The following TDRD10 variants were observed in gnomAD, a reference collection of about 807,000 sequenced individuals.
TDRD10 encodes the protein tudor domain containing 10.
Under a neutral mutation model 48.0 loss-of-function variants are expected in TDRD10, and 40 were observed. That is an observed-to-expected ratio of 0.83 (90% CI 0.65 to 1.09). TDRD10 has a LOEUF of 1.09. TDRD10 is among the 50% of genes least tolerant of loss of function. TDRD10 has a pLI of 0.00. For missense variants in TDRD10, 378 were observed against 434.7 expected (o/e 0.87, Z 1.16); for synonymous variants, 162 against 170.4 (o/e 0.95, Z 0.38).
rs201832003 is a variant in TDRD10 at position 154,544,032 on chromosome 1, C to T, written c.573C>T (p.Ser191=). 82 of 1,614,084 alleles carry T rather than the reference C, an allele frequency of 5.1e-5. No homozygotes were observed. The highest frequency in any genetic ancestry group is 6.1e-5 in the Non-Finnish European group (72 of 1,180,048). ...TGAGCTGGCTGGCACTCATCCATAG[C>T]GTCCGTGGGGAGGCGGGGCTGCTGG... ...RDLSWLALIH[S]VRGEAGLLVT... Residue 191 remains serine (S), a synonymous_variant, in exon 9 of 13, where the codon AGC becomes AGT. Transcript: ENST00000368482.
chr1:154,547,562 G>C, intron 12 of TDRD10, 83 bp downstream of exon 12: 2 of 1,614,204 alleles, frequency 1.2e-6, no homozygotes, highest in Non-Finnish European at 1.7e-6. Flanking sequence ...GCCTAGGCCT[G>C]GACACAGTAT....
chr1:154,532,642 T>C (rs1272021782), intron 6 of TDRD10, among the ~76,000 whole-genome samples: 1 of 152,156 alleles, frequency 6.6e-6, no homozygotes, highest in African/African-American at 2.4e-5. Flanking sequence ...CCTCTCATTT[T>C]TTTCATTCCA....
At chr1:154,546,022 C>T (rs1408649691) in intron 11 of TDRD10, among the ~76,000 whole-genome samples, 3 of 148,612 alleles carry the variant, frequency 2.0e-5, no homozygotes, top group Non-Finnish European at 4.4e-5. Context: ...ATCCGCCCAC[C>T]TCGGCCTCCC....
At chr1:154,504,215 A>C (rs538791350) in intron 1 of TDRD10, among the ~76,000 whole-genome samples, 1 of 152,202 alleles carries the variant, frequency 6.6e-6, no homozygotes, top group Non-Finnish European at 1.5e-5. Flanking sequence ...CATTCGTTTT[A>C]TATTGCCAAA....
chr1:154,514,506 G>T (rs1188443026), intron 4 of TDRD10, among the ~76,000 whole-genome samples: 1 of 152,058 alleles, frequency 6.6e-6, no homozygotes, highest in Non-Finnish European at 1.5e-5. Flanking sequence ...GAAGCATGGT[G>T]ATGGGCTTGT....
rs1695314023 is a variant in TDRD10 at position 154,542,743 on chromosome 1, T to C, written c.425T>C (p.Leu142Pro). ...GFGKTAAIIQ[L>P]APKAPVDLCE... Reference sequence around the variant, plus strand: ...TTCTGCTTTCTAGCTATTATACAGCTCGCTCCTAAAGCTCCTGTTGACCTG... The same window carrying C: ...TTCTGCTTTCTAGCTATTATACAGCCCGCTCCTAAAGCTCCTGTTGACCTG... The change falls in exon 8 of 13, where the codon CTC becomes CCC. Residue 142 changes from leucine (L) to proline (P), a missense_variant. Leu to Pro is a moderately conservative substitution (Grantham distance 98, BLOSUM62 -3). Coordinates refer to ENST00000368482, the MANE Select transcript of TDRD10 (RefSeq NM_182499.4). 2.0e-5 allele frequency: 32 copies of C among 1,613,704 alleles called. No homozygotes were observed. The highest frequency in any genetic ancestry group is 2.6e-5 in the Non-Finnish European group (31 of 1,179,748).
chr1:154,543,222 C>T (rs1184578889), intron 8 of TDRD10, among the ~76,000 whole-genome samples: 1 of 152,114 alleles, frequency 6.6e-6, no homozygotes, highest in Non-Finnish European at 1.5e-5. Context: ...TTGCAGTGAG[C>T]CGAGATTGTG....
At position 154,502,867 on chromosome 1, in the gene TDRD10, G is replaced by A. The variant is rs1481215291; in HGVS notation, c.-190G>A. ...TTCCGTTACTCTTCGGTGGCACACG[G>A]TCCTGGGCAGCGCGAGGCTCTTCCC... is the stretch of plus-strand genomic sequence containing the variant. On this transcript the variant is annotated 5_prime_UTR_variant, in exon 1 of 13. Coordinates refer to ENST00000368482, the MANE Select transcript of TDRD10 (RefSeq NM_182499.4). 1 of 152,264 alleles carries A rather than the reference G, an allele frequency of 6.6e-6. No homozygotes were observed. The highest frequency in any genetic ancestry group is 1.9e-4 in the East Asian group (1 of 5,180). 9.4% of individuals were successfully genotyped at this position (152,264 alleles called of 1,614,324 possible).
chr1:154,532,078 G>A (rs928083898), intron 6 of TDRD10, among the ~76,000 whole-genome samples: 1 of 152,236 alleles, frequency 6.6e-6, no homozygotes, highest in African/African-American at 2.4e-5. Context: ...CCAGGCGGGT[G>A]CTGTGCGCCC....
chr1:154,530,014 T>C (rs1195049085), intron 6 of TDRD10, among the ~76,000 whole-genome samples: 1 of 152,188 alleles, frequency 6.6e-6, no homozygotes, highest in African/African-American at 2.4e-5. Context: ...TTTTTTCTTT[T>C]CTTTTTTTTT....
intron 10 of TDRD10, 93 bp from the exon 11 acceptor site, chr1:154,544,702 C>T (rs1443220040): frequency 1.3e-6 from 2 of 1,531,916 alleles, no homozygotes; most frequent in Non-Finnish European, 1.8e-6. Flanking sequence ...TTCCTCCCTC[C>T]TACCTCCACT....
intron 4 of TDRD10, among the ~76,000 whole-genome samples, chr1:154,509,242 C>T (rs952729968): frequency 2.6e-5 from 4 of 152,080 alleles, no homozygotes; most frequent in African/African-American, 4.8e-5. Context: ...GGAACCCCTG[C>T]AGCATGCCAG....
intron 6 of TDRD10, among the ~76,000 whole-genome samples, chr1:154,526,897 T>A (rs1290922216): frequency 2.6e-5 from 4 of 151,464 alleles, no homozygotes; most frequent in African/African-American, 7.3e-5. Context: ...CCTGAATTTT[T>A]TTTTTATTTT....
chr1:154,540,323 G>T (rs1333028235), intron 6 of TDRD10, among the ~76,000 whole-genome samples: 1 of 151,932 alleles, frequency 6.6e-6, no homozygotes, highest in Non-Finnish European at 1.5e-5. Context: ...GCTTGCTGAT[G>T]AATTTGACGT....
intron 6 of TDRD10, among the ~76,000 whole-genome samples, chr1:154,521,741 T>C (rs1424289148): frequency 3.9e-5 from 6 of 152,244 alleles, no homozygotes; most frequent in Admixed American, 3.9e-4. Flanking sequence ...CAGTCAGGGC[T>C]TTTTCAACCT....
At chr1:154,507,342 G>A (rs373250153) in intron 3 of TDRD10, 22 bp downstream of exon 3, 14 of 1,612,730 alleles carry the variant, frequency 8.7e-6, no homozygotes, top group South Asian at 3.3e-5. Flanking sequence ...TGGGGGATTC[G>A]CTGGTGCTGG....
At chr1:154,546,481 A>G (rs1012317332) in intron 11 of TDRD10, among the ~76,000 whole-genome samples, 1 of 147,456 alleles carries the variant, frequency 6.8e-6, no homozygotes, top group Non-Finnish European at 1.5e-5. Context: ...ATAATATATA[A>G]TACGTGATAT....
At chr1:154,528,667 T>A (rs1240985200) in intron 6 of TDRD10, among the ~76,000 whole-genome samples, 1 of 148,282 alleles carries the variant, frequency 6.7e-6, no homozygotes, top group Non-Finnish European at 1.5e-5. Context: ...AAAACAAAAA[T>A]TAGCCTGGTG....
chr1:154,504,863 T>G (rs1311711322), intron 1 of TDRD10, among the ~76,000 whole-genome samples: 1 of 152,154 alleles, frequency 6.6e-6, no homozygotes, highest in Non-Finnish European at 1.5e-5. Flanking sequence ...AGTGTGTGCC[T>G]GTAGTCCCAG....
Sources: allele counts gnomAD v4.1 joint callset (sites outside exome capture counted in the v4.1 genomes callset), GRCh38; gene constraint gnomAD v4.1.1; transcripts MANE v1.5; gene names NCBI Gene and HGNC (gene_info 2026-07-23, HGNC 2026-07-21).